Variants in SEC63 observed in about 807,000 individuals in gnomAD.
SEC63 encodes the protein SEC63 protein translocation regulator.
Under a neutral mutation model 116.2 loss-of-function variants are expected in SEC63, and 56 were observed. The ratio of observed to expected loss-of-function variants is 0.48; its 90% CI spans 0.39 to 0.60. SEC63 has a LOEUF of 0.60. Ranked by LOEUF, SEC63 falls within the 20% of genes least tolerant of loss-of-function variation. The probability of loss-of-function intolerance (pLI) is 0.00; values close to 1 mark genes in which losing one functional copy is unlikely to be tolerated. For missense variants in SEC63, 668 were observed against 900.0 expected (o/e 0.74, Z 3.30); for synonymous variants, 273 against 294.6 (o/e 0.93, Z 0.75).
intron 17 of SEC63, among the ~76,000 whole-genome samples, chr6:107,882,515 G>A (rs540781751): frequency 9.2e-5 from 14 of 152,186 alleles, no homozygotes; most frequent in African/African-American, 2.9e-4. Context: ...ATGAAACAAG[G>A]TGGTATTCTA....
chr6:107,901,506 T>C lies in SEC63; in HGVS notation c.1221A>G (p.Lys407=). Residue 407 remains lysine, a synonymous_variant, in exon 13 of 21, where the codon AAA becomes AAG. Transcript: ENST00000369002. ...TTAAACTCACCAAATCCTGGATAGT[T>C]TTAATTTTATACTGAATAAAAAAAA... ...RVSNHKKYKI[K]TIQDLVSLKE... 1 of 1,590,324 alleles carries C rather than the reference T, an allele frequency of 6.3e-7. No homozygotes were observed. The highest frequency in any genetic ancestry group is 8.6e-7 in the Non-Finnish European group (1 of 1,159,508).
chr6:107,944,252 G>C (rs1283133496), intron 1 of SEC63, among the ~76,000 whole-genome samples: 1 of 152,174 alleles, frequency 6.6e-6, no homozygotes, highest in Non-Finnish European at 1.5e-5. Flanking sequence ...GTGATTAATT[G>C]AGATAAAGGT....
At chr6:107,928,899 T>C (rs1474123293) in intron 2 of SEC63, among the ~76,000 whole-genome samples, 1 of 152,244 alleles carries the variant, frequency 6.6e-6, no homozygotes, top group Admixed American at 6.5e-5. Context: ...CACTTCTAAC[T>C]ACATGACTTT....
At chr6:107,953,532 C>A (rs752777121) in intron 1 of SEC63, among the ~76,000 whole-genome samples, 14 of 143,992 alleles carry the variant, frequency 9.7e-5, no homozygotes, top group African/African-American at 3.6e-4. Flanking sequence ...GGGGGGTCAG[C>A]CCCCCGCCCG....
intron 2 of SEC63, among the ~76,000 whole-genome samples, chr6:107,927,960 T>C (rs1347678763): frequency 1.3e-5 from 2 of 152,158 alleles, no homozygotes; most frequent in Admixed American, 1.3e-4. Context: ...ATATTTTCGA[T>C]TCACAGTTGG....
chr6:107,923,691 A>C (rs906780173), intron 3 of SEC63, among the ~76,000 whole-genome samples: 3 of 136,060 alleles, frequency 2.2e-5, no homozygotes, highest in African/African-American at 1.0e-4. Context: ...ACACCCAGGT[A>C]ATTTTTTTTT....
chr6:107,954,225 G>A (rs532313546), intron 1 of SEC63, among the ~76,000 whole-genome samples: 3,427 of 151,930 alleles, frequency 0.023, 108 homozygotes, highest in African/African-American at 0.078. Flanking sequence ...AATGGATTAA[G>A]GGCGGTGCAA....
In SEC63 at chr6:107,924,946, A is replaced by C; in HGVS notation, c.225-14T>G. On this transcript the variant is annotated splice_polypyrimidine_tract_variant and intron_variant, in intron 2 of 20. Coordinates refer to ENST00000369002, the MANE Select transcript of SEC63 (RefSeq NM_007214.5). ...AGAACTATTTTCCTGTTTAGGAAAA[A>C]GGTAAGTGAATCATAAACAAATACA... 4 of 1,401,132 alleles carry C rather than the reference A, an allele frequency of 2.9e-6. No homozygotes were observed. Among genetic ancestry groups the C allele is most frequent in the Non-Finnish European group, 4.1e-6 (4 of 986,462 alleles). 86.8% of individuals were successfully genotyped at this position (1,401,132 alleles called of 1,614,324 possible). A position where few individuals can be genotyped will look rare whatever the true frequency, so the allele number is the denominator to read the frequency against.
At chr6:107,883,387 T>C (rs971012145) in intron 16 of SEC63, 1 of 468,306 alleles carries the variant, frequency 2.1e-6, no homozygotes, top group Admixed American at 3.7e-5. Flanking sequence ...CTTCATAATT[T>C]GTCAAATAAA....
rs117436447 is a variant in SEC63, at chr6:107,906,201, G to A, written c.961+247C>T. ...CTGCTCTGGCCATGTGAAGACACTT[G>A]CTCTGCCTTTGCCTGCTCTGGCTTT... On this transcript the variant is annotated intron_variant, in intron 10 of 20. Coordinates refer to ENST00000369002, the MANE Select transcript of SEC63 (RefSeq NM_007214.5). Among the ~76,000 whole-genome samples the A allele has an allele frequency of 2.3e-3, 354 of 152,224 alleles. 5 individuals are homozygous for A. Among genetic ancestry groups the A allele is most frequent in the East Asian group, 2.9e-3 (15 of 5,184 alleles).
intron 3 of SEC63, 106 bp from the exon 4 acceptor site, chr6:107,922,015 A>G (rs959889520): frequency 6.4e-5 from 43 of 669,146 alleles, no homozygotes; most frequent in Non-Finnish European, 3.7e-5. Context: ...TGAACTACTC[A>G]GTATTTTGAG....
chr6:107,891,056 C>T (rs926556147), intron 16 of SEC63, among the ~76,000 whole-genome samples: 2 of 152,122 alleles, frequency 1.3e-5, no homozygotes, highest in Non-Finnish European at 2.9e-5. Context: ...CTCAGGGTTG[C>T]TCTTCTCGAG....
intron 19 of SEC63, among the ~76,000 whole-genome samples, chr6:107,874,407 A>G (rs1039179138): frequency 4.6e-5 from 7 of 152,076 alleles, no homozygotes; most frequent in African/African-American, 1.7e-4. Flanking sequence ...ATCATGGCTA[A>G]CACAGTGAAA....
intron 10 of SEC63, among the ~76,000 whole-genome samples, chr6:107,905,161 T>TTC (rs1787123044): frequency 6.6e-6 from 1 of 152,232 alleles, no homozygotes; most frequent in Admixed American, 6.5e-5. Flanking sequence ...CATATAATAG[T>TTC]TAACTATTAA....
At chr6:107,908,068 C>G (rs1787183631) in intron 8 of SEC63, among the ~76,000 whole-genome samples, 1 of 152,190 alleles carries the variant, frequency 6.6e-6, no homozygotes, top group Non-Finnish European at 1.5e-5. Context: ...AATGTAAAAT[C>G]TGTTCACACA....
chr6:107,957,750 G>T, intron 1 of SEC63, 136 bp downstream of exon 1: 1 of 931,824 alleles, frequency 1.1e-6, no homozygotes, highest in Non-Finnish European at 1.4e-6. Flanking sequence ...AGTGGCGGAC[G>T]CTGGACACAG....
At chr6:107,912,518 G>C (rs1023441307) in intron 6 of SEC63, among the ~76,000 whole-genome samples, 198 bp downstream of exon 6, 58 of 152,226 alleles carry the variant, frequency 3.8e-4, no homozygotes, top group African/African-American at 1.4e-3. Context: ...CCAGGAGGCA[G>C]AGGTTGCAGT....
At chr6:107,910,630 G>A (rs1054340401) in intron 7 of SEC63, among the ~76,000 whole-genome samples, 1 of 151,748 alleles carries the variant, frequency 6.6e-6, no homozygotes, top group Non-Finnish European at 1.5e-5. Flanking sequence ...CACGTGTCAT[G>A]CATATATACA....
In SEC63 at chr6:107,906,565, C is replaced by T; in HGVS notation, c.844G>A (p.Gly282Ser). Residue 282 changes from glycine (G) to serine (S), a missense_variant, in exon 10 of 21, where the codon GGC (glycine) becomes AGC (serine). Transcript: ENST00000369002. Reference sequence around the variant, plus strand: ...TCATTCTTCTTTAAATTAATGCTGCCAATTTCTCTGATTAGCTAGAATAAA... The same window carrying T: ...TCATTCTTCTTTAAATTAATGCTGCTAATTTCTCTGATTAGCTAGAATAAA... ...ILIPQLIREI[G>S]SINLKKNEPP... 6.2e-7 allele frequency: 1 copy of T among 1,612,826 alleles called. No homozygotes were observed. The highest frequency in any genetic ancestry group is 2.2e-5 in the East Asian group (1 of 44,850).
Sources: gnomAD v4.1 joint callset for allele counts (sites outside exome capture counted in the v4.1 genomes callset) on GRCh38, gnomAD v4.1.1 for gene constraint, MANE v1.5 for transcripts, NCBI Gene and HGNC (gene_info 2026-07-23, HGNC 2026-07-21) for gene names.